TAFA4: variants seen among roughly 807,000 people sequenced by gnomAD.
The protein encoded by TAFA4 is TAFA chemokine like family member 4.
Under a neutral mutation model 21.1 loss-of-function variants are expected in TAFA4, and 20 were observed. That is an observed-to-expected ratio of 0.95 (90% CI 0.67 to 1.38). TAFA4 has a LOEUF of 1.38. TAFA4 is among the 40% of genes most tolerant of loss of function. TAFA4 has a pLI of 0.00. For synonymous variants in TAFA4, 71 were observed against 67.4 expected (o/e 1.05, Z -0.26); for missense variants, 211 against 180.9 (o/e 1.17, Z -0.95).
intron 3 of TAFA4, among the ~76,000 whole-genome samples, chr3:68,820,602 G>A (rs1188936815): frequency 6.6e-6 from 1 of 152,094 alleles, no homozygotes; most frequent in Admixed American, 6.6e-5. Flanking sequence ...GGAGGTCAAG[G>A]CTGCAGTGAG....
At chr3:68,859,781 G>C (rs561797426) in intron 3 of TAFA4, among the ~76,000 whole-genome samples, 19 of 152,256 alleles carry the variant, frequency 1.2e-4, no homozygotes, top group Admixed American at 3.9e-4. Context: ...CTAATAAAAG[G>C]AGGATCCAGT....
At chr3:68,924,207 G>A (rs923269883) in intron 1 of TAFA4, among the ~76,000 whole-genome samples, 3 of 152,154 alleles carry the variant, frequency 2.0e-5, no homozygotes, top group African/African-American at 4.8e-5. Context: ...GCAGCATGAC[G>A]TGCAATAGCC....
At chr3:68,868,323 T>A (rs1396450763) in intron 3 of TAFA4, among the ~76,000 whole-genome samples, 1 of 151,680 alleles carries the variant, frequency 6.6e-6, no homozygotes, top group African/African-American at 2.4e-5. Flanking sequence ...TGCACCCAAA[T>A]ATATATATAA....
intron 1 of TAFA4, among the ~76,000 whole-genome samples, chr3:68,896,745 A>G (rs977966771): frequency 6.6e-6 from 1 of 152,142 alleles, no homozygotes; most frequent in Non-Finnish European, 1.5e-5. Context: ...AGGCCTCTAA[A>G]TGGGGTCCTC....
chr3:68,900,283 CAATAAT>C (rs60973878), intron 1 of TAFA4, among the ~76,000 whole-genome samples: 34,462 of 120,358 alleles, frequency 0.29, 4,625 homozygotes, highest in East Asian at 0.51. Context: ...ATAATAATAA[CAATAAT>C]AATAATAATA....
intron 1 of TAFA4, among the ~76,000 whole-genome samples, chr3:68,887,617 C>A (rs2089686228): frequency 6.6e-6 from 1 of 152,134 alleles, no homozygotes. Context: ...CTCTGAACTT[C>A]CACAGGATCA....
At chr3:68,846,546 G>C (rs531624359) in intron 3 of TAFA4, among the ~76,000 whole-genome samples, 96 of 152,166 alleles carry the variant, frequency 6.3e-4, no homozygotes, top group Middle Eastern at 3.4e-3. Context: ...TCTCCATCCA[G>C]TTTTGTTCCG....
intron 3 of TAFA4, among the ~76,000 whole-genome samples, chr3:68,774,898 T>C (rs1270406891): frequency 6.6e-6 from 1 of 151,976 alleles, no homozygotes; most frequent in Non-Finnish European, 1.5e-5. Flanking sequence ...AGTCAAAACA[T>C]AGGAGGAGGC....
chr3:68,768,625 T>A (rs1228008481), intron 3 of TAFA4, among the ~76,000 whole-genome samples: 2 of 151,950 alleles, frequency 1.3e-5, no homozygotes, highest in African/African-American at 2.4e-5. Flanking sequence ...TAAAATCATA[T>A]GCCAAAAAAA....
intron 3 of TAFA4, among the ~76,000 whole-genome samples, chr3:68,780,472 G>T (rs931481602): frequency 2.0e-5 from 3 of 152,166 alleles, no homozygotes; most frequent in African/African-American, 7.2e-5. Flanking sequence ...AATCATGAGG[G>T]CAGGTCTTTC....
rs139053112 is a variant in TAFA4 at position 68,815,921 on chromosome 3, T to A, written c.131-62903A>T. On this transcript the variant is annotated intron_variant, in intron 3 of 5. Transcript: ENST00000295569. ...CAAAGACTTCGAACCAACCCAAATG[T>A]CCAACAATGATAGACTGGATTAAGA... is the stretch of plus-strand genomic sequence containing the variant. Among the ~76,000 whole-genome samples the A allele has an allele frequency of 9.9e-5, 15 of 152,196 alleles. No individual in the cohort carries two copies. The East Asian group carries it at 2.7e-3, about 27-fold the overall frequency.
Position 68,880,827 on chromosome 3 carries a change from C to G in TAFA4, c.33G>C (p.Lys11Asn). 6.2e-7 allele frequency: 1 copy of G among 1,613,504 alleles called. No homozygotes were observed. The highest frequency in any genetic ancestry group is 8.5e-7 in the Non-Finnish European group (1 of 1,179,914). Residue 11 changes from lysine (K) to asparagine (N), a missense_variant, in exon 3 of 6, where the codon AAG becomes AAC. Physicochemically the swap from Lys to Asn is moderately conservative, Grantham distance 94. Transcript: ENST00000295569. ...AGAGCCAGTGCGACAGCAACACTGA[C>G]TTAGCACAGACTCTCATCCTGGAGG... MRSPRMRVCA[K>N]SVLLSHWLFL...
At chr3:68,825,550 C>A (rs913553471) in intron 3 of TAFA4, among the ~76,000 whole-genome samples, 1 of 147,578 alleles carries the variant, frequency 6.8e-6, no homozygotes, top group East Asian at 2.1e-4. Context: ...TGTGCAGTCA[C>A]TGAATTTTAT....
In TAFA4 at chr3:68,845,108, G is replaced by A. The variant is rs149716631; in HGVS notation, c.130+35622C>T. ...GTCTCGTTAATCTAAATTGACAGTG[G>A]GGTGTTAAAGTCTCCCGCTGTTATT... On this transcript the variant is annotated intron_variant, in intron 3 of 5. Coordinates refer to ENST00000295569, the MANE Select transcript of TAFA4 (RefSeq NM_182522.5). 3.4e-3 allele frequency among the ~76,000 whole-genome samples: 516 copies of A among 152,204 alleles called. 2 individuals carry two copies. Among genetic ancestry groups the A allele is most frequent in the Admixed American group, 6.5e-3 (99 of 15,284 alleles).
intron 1 of TAFA4, among the ~76,000 whole-genome samples, chr3:68,916,742 T>C (rs2090008072): frequency 6.6e-6 from 1 of 152,182 alleles, no homozygotes; most frequent in Admixed American, 6.5e-5. Context: ...CTGTTCTGCC[T>C]TTTTCCCTTC....
chr3:68,796,978 A>G (rs1279463584), intron 3 of TAFA4, among the ~76,000 whole-genome samples: 1 of 152,244 alleles, frequency 6.6e-6, no homozygotes, highest in Non-Finnish European at 1.5e-5. Flanking sequence ...AAAAAAGTAA[A>G]TAAATAAAAT....
chr3:68,924,711 G>A (rs1482524261), intron 1 of TAFA4, among the ~76,000 whole-genome samples: 1 of 152,100 alleles, frequency 6.6e-6, no homozygotes, highest in African/African-American at 2.4e-5. Flanking sequence ...GATAACTATT[G>A]TTACTATTAT....
intron 3 of TAFA4, among the ~76,000 whole-genome samples, chr3:68,794,648 C>T (rs1223022163): frequency 6.6e-6 from 1 of 152,160 alleles, no homozygotes; most frequent in Non-Finnish European, 1.5e-5. Flanking sequence ...TGCCTACCTG[C>T]AGATGTCACA....
chr3:68,921,166 C>CGCA (rs1405809463), intron 1 of TAFA4, among the ~76,000 whole-genome samples: 1 of 151,980 alleles, frequency 6.6e-6, no homozygotes, highest in Admixed American at 6.6e-5. Context: ...CCCTGCTGCC[C>CGCA]GCAAGAGGGG....
Sources: gnomAD v4.1 joint callset for allele counts (sites outside exome capture counted in the v4.1 genomes callset) on GRCh38, gnomAD v4.1.1 for gene constraint, MANE v1.5 for transcripts, NCBI Gene and HGNC (gene_info 2026-07-23, HGNC 2026-07-21) for gene names.